LRRC7: variants seen among roughly 807,000 people sequenced by gnomAD.
The protein encoded by LRRC7 is leucine-rich repeat-containing protein 7.
A neutral mutation model predicts 175.7 loss-of-function variants in LRRC7; 23 were observed. The ratio of observed to expected loss-of-function variants is 0.13; its 90% CI spans 0.09 to 0.19. The LOEUF is 0.19. Among genes scored for constraint, LRRC7 ranks in the 10% least tolerant of loss-of-function variants. The pLI is 1.00. For synonymous variants in LRRC7, 685 were observed against 680.9 expected (o/e 1.01, Z -0.09); for missense variants, 1,354 against 1,904.7 (o/e 0.71, Z 5.38).
At chr1:70,008,432 G>A (rs1656187933) in intron 11 of LRRC7, among the ~76,000 whole-genome samples, 1 of 152,076 alleles carries the variant, frequency 6.6e-6, no homozygotes, top group Non-Finnish European at 1.5e-5. Context: ...TTTATTCTAT[G>A]CTCTATGCAT....
At chr1:69,614,912 C>G (rs1649376455) in intron 1 of LRRC7, among the ~76,000 whole-genome samples, 1 of 152,050 alleles carries the variant, frequency 6.6e-6, no homozygotes, top group African/African-American at 2.4e-5. Flanking sequence ...TAGATACCTT[C>G]ACAACCTATC....
At chr1:69,779,022 A>G (rs1362863474) in intron 3 of LRRC7, among the ~76,000 whole-genome samples, 1 of 135,332 alleles carries the variant, frequency 7.4e-6, no homozygotes, top group East Asian at 5.5e-4. Context: ...ACACAAACAT[A>G]TATATATATA....
chr1:69,752,296 C>T (rs1220715071), intron 2 of LRRC7, among the ~76,000 whole-genome samples: 1 of 152,092 alleles, frequency 6.6e-6, no homozygotes, highest in Non-Finnish European at 1.5e-5. Context: ...AAGTCAGATA[C>T]ATTTGTCATT....
chr1:70,038,166 G>T lies in LRRC7; in HGVS notation c.2342G>T (p.Arg781Leu). The change falls in exon 21 of 27, where the codon CGG becomes CTG. Residue 781 changes from arginine (R) to leucine (L), a missense_variant. Coordinates refer to ENST00000651989, the MANE Select transcript of LRRC7 (RefSeq NM_001370785.2). ...PLDSKPLLSQ[R>L]EAVPPGNIPQ... ...GATTCAAAGCCATTACTCAGCCAGC[G>T]GGAGGCTGTTCCCCCAGGCAATATA... 3.1e-6 allele frequency: 5 copies of T among 1,613,786 alleles called. No individual in the cohort carries two copies. The highest frequency in any genetic ancestry group is 4.2e-6 in the Non-Finnish European group (5 of 1,179,892).
intron 7 of LRRC7, among the ~76,000 whole-genome samples, chr1:69,921,369 A>C (rs764482763): frequency 1.7e-4 from 26 of 152,086 alleles, no homozygotes; most frequent in Non-Finnish European, 2.6e-4. Flanking sequence ...ACTTTTTCCT[A>C]ATATAAGTGT....
At chr1:69,749,164 G>A (rs60399221) in intron 2 of LRRC7, among the ~76,000 whole-genome samples, 3,306 of 152,266 alleles carry the variant, frequency 0.022, 119 homozygotes, top group African/African-American at 0.076. Context: ...TGTCAAGACA[G>A]AATGTGTGGA....
At chr1:69,573,620 C>T (rs1645825939) in intron 1 of LRRC7, among the ~76,000 whole-genome samples, 1 of 151,732 alleles carries the variant, frequency 6.6e-6, no homozygotes, top group African/African-American at 2.4e-5. Flanking sequence ...TAATTAAGCC[C>T]CTGGGGAGGC....
intron 3 of LRRC7, among the ~76,000 whole-genome samples, chr1:69,781,733 A>AAG (rs755676231): frequency 0.011 from 260 of 23,530 alleles, 53 homozygotes; most frequent in African/African-American, 0.019. Flanking sequence ...GAAAGAAAGA[A>AAG]AGAGAGAGAG....
At chr1:69,851,219 G>A (rs76484547) in intron 7 of LRRC7, among the ~76,000 whole-genome samples, 9,359 of 152,160 alleles carry the variant, frequency 0.062, 338 homozygotes, top group East Asian at 0.15. Context: ...TTTTAGTAGC[G>A]CATTATGTGC....
At chr1:69,919,472 G>A (rs1646815998) in intron 7 of LRRC7, 3 of 994,292 alleles carry the variant, frequency 3.0e-6, no homozygotes, top group Non-Finnish European at 3.1e-6. Context: ...CGGCCCAGCG[G>A]GAACAGCAGC....
At chr1:69,812,771 T>C (rs577984564) in intron 4 of LRRC7, among the ~76,000 whole-genome samples, 42 of 152,300 alleles carry the variant, frequency 2.8e-4, no homozygotes, top group Admixed American at 1.1e-3. Flanking sequence ...TATATGTGTA[T>C]TGATTTATAC....
chr1:69,645,528 A>C (rs1242430818), intron 1 of LRRC7, among the ~76,000 whole-genome samples: 1 of 152,036 alleles, frequency 6.6e-6, no homozygotes, highest in African/African-American at 2.4e-5. Context: ...TCAATTCTCA[A>C]CATTTTCTTT....
chr1:69,835,752 G>A (rs1681029241), intron 6 of LRRC7, among the ~76,000 whole-genome samples: 1 of 151,912 alleles, frequency 6.6e-6, no homozygotes, highest in Non-Finnish European at 1.5e-5. Flanking sequence ...TGTGAAAAAA[G>A]TGGAATCACA....
intron 3 of LRRC7, among the ~76,000 whole-genome samples, chr1:69,787,248 C>G (rs2101046265): frequency 6.6e-6 from 1 of 152,338 alleles, no homozygotes; most frequent in South Asian, 2.1e-4. Flanking sequence ...GCCCCCCTCC[C>G]AGCTGCTTTC....
chr1:69,919,819 C>A, intron 7 of LRRC7: 1 of 753,790 alleles, frequency 1.3e-6, no homozygotes, highest in Non-Finnish European at 2.3e-6. Flanking sequence ...CCGGCATCCA[C>A]GTCATTGTCC....
chr1:69,951,574 G>A (rs1348455832), intron 8 of LRRC7, among the ~76,000 whole-genome samples: 1 of 152,008 alleles, frequency 6.6e-6, no homozygotes, highest in African/African-American at 2.4e-5. Context: ...TAAATAAAAT[G>A]TAGTACATAT....
At chr1:69,809,117 A>G (rs567367093) in intron 4 of LRRC7, among the ~76,000 whole-genome samples, 3 of 152,292 alleles carry the variant, frequency 2.0e-5, no homozygotes, top group African/African-American at 7.2e-5. Context: ...ACAAAAATAC[A>G]AACTACCATC....
chr1:69,740,138 T>A (rs1007623906), intron 2 of LRRC7, among the ~76,000 whole-genome samples: 4 of 152,106 alleles, frequency 2.6e-5, no homozygotes, highest in Non-Finnish European at 5.9e-5. Flanking sequence ...CATGGATGGC[T>A]GGATAAGTCT....
chr1:69,987,668 A>G (rs566058088), intron 10 of LRRC7, among the ~76,000 whole-genome samples: 1 of 152,190 alleles, frequency 6.6e-6, no homozygotes, highest in Non-Finnish European at 1.5e-5. Context: ...ATTAAGCCAT[A>G]TCCTAGGTAA....
Sources: gnomAD v4.1 joint callset for allele counts (sites outside exome capture counted in the v4.1 genomes callset) on GRCh38, gnomAD v4.1.1 for gene constraint, MANE v1.5 for transcripts, NCBI Gene and HGNC (gene_info 2026-07-23, HGNC 2026-07-21) for gene names.